SPPL3: variants seen among roughly 807,000 people sequenced by gnomAD.
SPPL3 encodes signal peptide peptidase-like 3.
A neutral mutation model predicts 42.4 loss-of-function variants in SPPL3; 5 were observed. The observed-to-expected ratio is 0.12, with a 90% CI of 0.06 to 0.25. The LOEUF is 0.25. SPPL3 is among the 10% of genes least tolerant of loss of function. The pLI, the probability that SPPL3 is intolerant of heterozygous loss-of-function variation, is 1.00. For missense variants in SPPL3, 235 were observed against 489.0 expected (o/e 0.48, Z 4.90); for synonymous variants, 195 against 181.8 (o/e 1.07, Z -0.58).
intron 1 of SPPL3, among the ~76,000 whole-genome samples, chr12:120,819,817 G>A (rs187006154): frequency 6.6e-5 from 10 of 152,192 alleles, no homozygotes; most frequent in Non-Finnish European, 8.8e-5. Flanking sequence ...AAGTGTAAAT[G>A]GCATTTCAGA....
rs1394968239 is a variant in SPPL3, at chr12:120,769,249, A to G, written c.503-190T>C. On this transcript the variant is annotated intron_variant, in intron 6 of 10. Transcript: ENST00000353487. ...TTCTTCAGCCTGTTTGGACTTGTGG[A>G]ATTTGGGGTGATTGCTTTCCTCCTC... is the stretch of plus-strand genomic sequence containing the variant. 7 of 517,160 alleles carry G rather than the reference A, an allele frequency of 1.4e-5. No homozygotes were observed. The East Asian group carries it at 2.3e-4, about 17-fold the overall frequency. The allele number at this position is 517,160 out of a possible 1,614,324, so 32.0% of individuals were successfully genotyped here.
chr12:120,775,676 A>G (rs1186820442), intron 6 of SPPL3, among the ~76,000 whole-genome samples: 1 of 152,166 alleles, frequency 6.6e-6, no homozygotes, highest in Non-Finnish European at 1.5e-5. Flanking sequence ...TAGCTAACAT[A>G]CCATCACCCA....
chr12:120,771,724 C>T lies in SPPL3; in HGVS notation c.503-2665G>A, dbSNP rs61948180. Among the ~76,000 whole-genome samples the T allele has an allele frequency of 1.6e-3, 249 of 152,250 alleles. 2 individuals are homozygous for T. The highest frequency in any genetic ancestry group is 3.4e-3 in the Middle Eastern group (1 of 294). On this transcript the variant is annotated intron_variant, in intron 6 of 10. Coordinates refer to ENST00000353487, the MANE Select transcript of SPPL3 (RefSeq NM_139015.5). The stretch of plus-strand genomic sequence containing the variant: ...TGCAAACACAGGTTTGATGAGGACA[C>T]AGAGCTGTTGAGAAACTCTTCATGG...
rs1213023130 is a variant in SPPL3 at position 120,769,934 on chromosome 12, A to C, written c.503-875T>G. 5.6e-5 allele frequency: 8 copies of C among 141,982 alleles called. No individual in the cohort carries two copies. In the East Asian group the frequency reaches 8.5e-4, roughly 15 times the overall value. 8.8% of individuals were successfully genotyped at this position (141,982 alleles called of 1,614,324 possible). On this transcript the variant is annotated intron_variant, in intron 6 of 10. Coordinates refer to ENST00000353487, the MANE Select transcript of SPPL3 (RefSeq NM_139015.5). ...CCCTCCACCAAAGCCAACAACCCCC[A>C]GTTTCCATTTGGGTGAATTTTCACC... is the stretch of plus-strand genomic sequence containing the variant.
intron 3 of SPPL3, among the ~76,000 whole-genome samples, chr12:120,789,271 T>C (rs1869826046): frequency 1.3e-5 from 2 of 148,570 alleles, no homozygotes; most frequent in East Asian, 2.0e-4. Context: ...CAGGGCAACA[T>C]GGTGAAACCC....
At position 120,784,593 on chromosome 12, in the gene SPPL3, C is replaced by T. The variant is rs1164560796; in HGVS notation, c.191G>A (p.Ser64Asn). 1.2e-6 allele frequency: 2 copies of T among 1,601,842 alleles called. No individual in the cohort carries two copies. The highest frequency in any genetic ancestry group is 1.7e-6 in the Non-Finnish European group (2 of 1,175,946). Residue 64 changes from serine (S) to asparagine (N), a missense_variant and splice_region_variant, in exon 4 of 11, where the codon AGC becomes AAC. Transcript: ENST00000353487. The part of the protein sequence containing the change: ...GSFNGNSTNN[S>N]IQTIDSTQAL... ...CTGGGTAGAGTCAATTGTTTGGATG[C>T]CTGAAAGAGAAAAACAGACAGATTA...
chr12:120,821,977 T>C (rs1871084908), intron 1 of SPPL3, among the ~76,000 whole-genome samples: 1 of 145,644 alleles, frequency 6.9e-6, no homozygotes, highest in African/African-American at 2.5e-5. Flanking sequence ...CATGATGCTA[T>C]GTGAAATAAA....
intron 1 of SPPL3, among the ~76,000 whole-genome samples, chr12:120,883,555 T>C (rs1873357814): frequency 6.6e-6 from 1 of 152,030 alleles, no homozygotes; most frequent in Non-Finnish European, 1.5e-5. Context: ...CAGGAAAATA[T>C]ACAAGAATGT....
intron 1 of SPPL3, among the ~76,000 whole-genome samples, chr12:120,898,038 G>A (rs1459927615): frequency 2.6e-5 from 4 of 152,082 alleles, no homozygotes; most frequent in African/African-American, 7.2e-5. Flanking sequence ...CGGGCCAGGC[G>A]CAGTGGCTCA....
Position 120,903,895 on chromosome 12 carries a change from AG to A in SPPL3, c.-29del. Reference sequence around the variant, plus strand: ...CGCTGCCTCTCGTGGGCTCCGCTGCAGGCTGTGGCCGGGCCCGGCGGCGGCG... The same window carrying A: ...CGCTGCCTCTCGTGGGCTCCGCTGCAGCTGTGGCCGGGCCCGGCGGCGGCG... On this transcript the variant is annotated 5_prime_UTR_variant, in exon 1 of 11. Coordinates refer to ENST00000353487, the MANE Select transcript of SPPL3 (RefSeq NM_139015.5). 1 of 1,387,772 alleles carries A rather than the reference AG, an allele frequency of 7.2e-7. No homozygotes were observed. The highest frequency in any genetic ancestry group is 1.6e-5 in the South Asian group (1 of 63,852). 86.0% of individuals were successfully genotyped at this position (1,387,772 alleles called of 1,614,324 possible).
intron 3 of SPPL3, 102 bp from the exon 4 acceptor site, chr12:120,784,695 G>T: frequency 4.8e-6 from 4 of 834,120 alleles, no homozygotes; most frequent in Non-Finnish European, 7.3e-6. Context: ...CAGTTCTACG[G>T]ATTATACGTA....
intron 2 of SPPL3, among the ~76,000 whole-genome samples, chr12:120,803,730 T>C (rs1032441304): frequency 1.3e-5 from 2 of 152,150 alleles, no homozygotes; most frequent in Admixed American, 1.3e-4. Context: ...GAACATTTAA[T>C]AGTGAATTGA....
At chr12:120,833,196 T>G (rs1178683789) in intron 1 of SPPL3, among the ~76,000 whole-genome samples, 1 of 151,982 alleles carries the variant, frequency 6.6e-6, no homozygotes, top group African/African-American at 2.4e-5. Flanking sequence ...AGAATAAGAT[T>G]CAAAAGCAAA....
At chr12:120,781,647 C>T (rs1484676942) in intron 6 of SPPL3, among the ~76,000 whole-genome samples, 1 of 137,214 alleles carries the variant, frequency 7.3e-6, no homozygotes, top group Non-Finnish European at 1.5e-5. Context: ...GATCTTGGCT[C>T]ACTGCAAGCT....
At chr12:120,886,702 G>A (rs983801794) in intron 1 of SPPL3, among the ~76,000 whole-genome samples, 5 of 152,010 alleles carry the variant, frequency 3.3e-5, no homozygotes, top group African/African-American at 9.7e-5. Flanking sequence ...AAGAAAACCC[G>A]GCAGTAACAA....
intron 1 of SPPL3, among the ~76,000 whole-genome samples, chr12:120,822,874 T>C (rs1436459050): frequency 6.6e-6 from 1 of 152,096 alleles, no homozygotes; most frequent in Non-Finnish European, 1.5e-5. Flanking sequence ...CTGGTCACTG[T>C]TCTGTCCTAT....
chr12:120,855,219 AAC>A (rs1355257897), intron 1 of SPPL3, among the ~76,000 whole-genome samples: 2 of 152,180 alleles, frequency 1.3e-5, no homozygotes, highest in African/African-American at 2.4e-5. Context: ...CCCTCAGTAT[AAC>A]AGATTCCATA....
At chr12:120,875,795 AAAGGC>A (rs1873068856) in intron 1 of SPPL3, among the ~76,000 whole-genome samples, 1 of 152,206 alleles carries the variant, frequency 6.6e-6, no homozygotes, top group Non-Finnish European at 1.5e-5. Context: ...ACCTAGTCTA[AAAGGC>A]AGATTGTCAA....
chr12:120,783,492 T>C (rs1869611474), intron 5 of SPPL3, among the ~76,000 whole-genome samples, 182 bp downstream of exon 5: 1 of 152,206 alleles, frequency 6.6e-6, no homozygotes, highest in South Asian at 2.1e-4. Context: ...TCCTCTGACA[T>C]GAGAAGGTAC....
Sources: gnomAD v4.1 joint callset for allele counts (sites outside exome capture counted in the v4.1 genomes callset) on GRCh38, gnomAD v4.1.1 for gene constraint, MANE v1.5 for transcripts, NCBI Gene and HGNC (gene_info 2026-07-23, HGNC 2026-07-21) for gene names.